The following ASIC2 variants were observed in gnomAD, a reference collection of about 807,000 sequenced individuals.
ASIC2 encodes the protein acid-sensing ion channel 2.
Under a neutral mutation model 57.3 loss-of-function variants are expected in ASIC2, and 25 were observed. The observed-to-expected ratio is 0.44, with a 90% CI of 0.32 to 0.61. The LOEUF (loss-of-function observed/expected upper bound fraction) is 0.61. ASIC2 is among the 20% of genes least tolerant of loss of function. The pLI, the probability that ASIC2 is intolerant of heterozygous loss-of-function variation, is 0.06. For missense variants in ASIC2, 641 were observed against 738.1 expected (o/e 0.87, Z 1.52); for synonymous variants, 319 against 307.5 (o/e 1.04, Z -0.39).
intron 1 of ASIC2, among the ~76,000 whole-genome samples, chr17:33,951,966 C>A (rs896757355): frequency 2.6e-5 from 4 of 152,080 alleles, no homozygotes; most frequent in African/African-American, 7.2e-5. Flanking sequence ...AGGAGGGGAG[C>A]ACTGGTTACA....
At chr17:34,123,413 T>TAC (rs1232687569) in intron 1 of ASIC2, among the ~76,000 whole-genome samples, 1 of 152,104 alleles carries the variant, frequency 6.6e-6, no homozygotes, top group African/African-American at 2.4e-5. Flanking sequence ...CTTTGTAGAC[T>TAC]ACCAGGGAGG....
intron 1 of ASIC2, among the ~76,000 whole-genome samples, chr17:34,041,035 G>C (rs1291356296): frequency 6.6e-6 from 1 of 152,172 alleles, no homozygotes; most frequent in Non-Finnish European, 1.5e-5. Context: ...AGGCAGCTCA[G>C]CTTAATGGGG....
At chr17:33,345,728 T>C (rs1907915985) in intron 1 of ASIC2, among the ~76,000 whole-genome samples, 1 of 152,184 alleles carries the variant, frequency 6.6e-6, no homozygotes, top group African/African-American at 2.4e-5. Context: ...GGGGAACAGA[T>C]TCTGGATATG....
chr17:33,615,406 T>C (rs1451438334), intron 1 of ASIC2, among the ~76,000 whole-genome samples: 8 of 152,176 alleles, frequency 5.3e-5, no homozygotes, highest in Admixed American at 5.2e-4. Context: ...TAGACCTTTT[T>C]AAGAAAGAAA....
intron 1 of ASIC2, among the ~76,000 whole-genome samples, chr17:33,847,572 A>C (rs1913644211): frequency 6.6e-6 from 1 of 152,162 alleles, no homozygotes; most frequent in Non-Finnish European, 1.5e-5. Context: ...CCCACACTCC[A>C]GACAGGATAC....
intron 1 of ASIC2, among the ~76,000 whole-genome samples, chr17:33,335,423 G>A (rs1907474312): frequency 6.6e-6 from 1 of 152,198 alleles, no homozygotes; most frequent in South Asian, 2.1e-4. Context: ...TCTCATTTGG[G>A]TTGAAGAAAC....
intron 1 of ASIC2, among the ~76,000 whole-genome samples, chr17:33,266,961 T>C (rs998306289): frequency 6.6e-6 from 1 of 151,948 alleles, no homozygotes; most frequent in African/African-American, 2.4e-5. Context: ...TGGTTGATTC[T>C]GTATTAACTC....
chr17:33,401,789 T>C (rs1488265673), intron 1 of ASIC2, among the ~76,000 whole-genome samples: 2 of 152,100 alleles, frequency 1.3e-5, no homozygotes, highest in East Asian at 1.9e-4. Context: ...CAACACTTAA[T>C]AAACAGGACT....
intron 1 of ASIC2, among the ~76,000 whole-genome samples, chr17:33,466,060 T>A (rs1426038528): frequency 6.6e-6 from 1 of 152,212 alleles, no homozygotes; most frequent in Non-Finnish European, 1.5e-5. Context: ...TTGCACTAAC[T>A]GGATTGTATT....
At chr17:33,180,927 A>G (rs1484037741) in intron 1 of ASIC2, among the ~76,000 whole-genome samples, 1 of 152,158 alleles carries the variant, frequency 6.6e-6, no homozygotes, top group Non-Finnish European at 1.5e-5. Context: ...TGGCAGGCAG[A>G]AGGGCCACGC....
At chr17:33,360,541 G>A (rs1006690591) in intron 1 of ASIC2, among the ~76,000 whole-genome samples, 2 of 152,188 alleles carry the variant, frequency 1.3e-5, no homozygotes, top group African/African-American at 2.4e-5. Context: ...AAGATCCTAA[G>A]CTCTTTCTTT....
intron 1 of ASIC2, among the ~76,000 whole-genome samples, chr17:33,995,408 TCTC>T (rs1263511780): frequency 6.6e-6 from 1 of 152,078 alleles, no homozygotes; most frequent in African/African-American, 2.4e-5. Context: ...TTCTACCTCA[TCTC>T]CTCCTCACTC....
chr17:33,709,949 T>TAA (rs1908976037), intron 1 of ASIC2, among the ~76,000 whole-genome samples: 1 of 152,232 alleles, frequency 6.6e-6, no homozygotes, highest in Admixed American at 6.5e-5. Flanking sequence ...CACGGCAGTA[T>TAA]TTATACCCCC....
Position 33,081,844 on chromosome 17 carries a change from C to A in ASIC2, c.987+7019G>T, listed in dbSNP as rs957270729. Among the ~76,000 whole-genome samples, 8 of 152,134 alleles carry A rather than the reference C, an allele frequency of 5.3e-5. No individual in the cohort carries two copies. The East Asian group carries it at 1.5e-3, about 29-fold the overall frequency. On this transcript the variant is annotated intron_variant, in intron 3 of 9. Transcript: ENST00000225823. ...ATGGTGGAAATGTGGCCAACTTATA[C>A]CAGAGGCAGAGGCTTAGGCTTCTGT...
At chr17:33,906,011 A>AT (rs72050716) in intron 1 of ASIC2, among the ~76,000 whole-genome samples, 67,207 of 132,318 alleles carry the variant, frequency 0.51, 17,624 homozygotes, top group Non-Finnish European at 0.56. Context: ...TTTTAATTAA[A>AT]TTTTTTTTTT....
At chr17:33,178,765 G>A (rs1905862181) in intron 1 of ASIC2, among the ~76,000 whole-genome samples, 1 of 152,182 alleles carries the variant, frequency 6.6e-6, no homozygotes, top group South Asian at 2.1e-4. Context: ...AACAGAGGAG[G>A]GCCCCATGCA....
chr17:33,398,828 G>A (rs1006243602), intron 1 of ASIC2, among the ~76,000 whole-genome samples: 3 of 152,192 alleles, frequency 2.0e-5, no homozygotes. Flanking sequence ...ATTGAAGACA[G>A]AACCAAGATG....
chr17:33,732,566 C>G (rs1444143200), intron 1 of ASIC2, among the ~76,000 whole-genome samples: 1 of 148,826 alleles, frequency 6.7e-6, no homozygotes, highest in African/African-American at 2.5e-5. Flanking sequence ...TGGTGCGATC[C>G]TGGCTAACTG....
intron 1 of ASIC2, among the ~76,000 whole-genome samples, chr17:33,227,225 A>AGGGGCACTGGAGGATGT (rs1213250966): frequency 2.0e-5 from 3 of 152,214 alleles, no homozygotes; most frequent in Non-Finnish European, 4.4e-5. Context: ...CCCTAGTTGG[A>AGGGGCACTGGAGGATGT]GGGGCACTGG....
Sources: allele counts gnomAD v4.1 joint callset (sites outside exome capture counted in the v4.1 genomes callset), GRCh38; gene constraint gnomAD v4.1.1; transcripts MANE v1.5; gene names NCBI Gene and HGNC (gene_info 2026-07-23, HGNC 2026-07-21).